The following MAP2 variants were observed in gnomAD, a reference collection of about 807,000 sequenced individuals.
MAP2 encodes microtubule associated protein 2.
Under a neutral mutation model 137.6 loss-of-function variants are expected in MAP2, and 14 were observed. The observed-to-expected ratio is 0.10, with a 90% CI of 0.07 to 0.16. The LOEUF is 0.16. Ranked by LOEUF, MAP2 falls within the 10% of genes least tolerant of loss-of-function variation. The probability of loss-of-function intolerance (pLI) is 1.00; values close to 1 mark genes in which losing one functional copy is unlikely to be tolerated. For synonymous variants in MAP2, 786 were observed against 782.3 expected (o/e 1.00, Z -0.08); for missense variants, 2,088 against 2,191.5 (o/e 0.95, Z 0.94).
intron 11 of MAP2, chr2:209,704,403 ATAG>A (rs1559620185): frequency 6.6e-7 from 1 of 1,522,090 alleles, no homozygotes; most frequent in South Asian, 1.3e-5. Flanking sequence ...CTTTTACTTT[ATAG>A]TTTGGTTTAT....
At chr2:209,680,667 T>C in intron 6 of MAP2, 83 bp from the exon 7 acceptor site, 1 of 1,238,604 alleles carries the variant, frequency 8.1e-7, no homozygotes, top group Non-Finnish European at 1.2e-6. Flanking sequence ...GAGGTCTTTT[T>C]ACAAATGGCA....
chr2:209,611,224 AT>A (rs2086743281), intron 3 of MAP2, among the ~76,000 whole-genome samples: 1 of 152,058 alleles, frequency 6.6e-6, no homozygotes, highest in Admixed American at 6.6e-5. Flanking sequence ...ATACTCAGGG[AT>A]TATATTGAGC....
chr2:209,668,762 C>T (rs1299901363), intron 5 of MAP2, among the ~76,000 whole-genome samples: 1 of 152,038 alleles, frequency 6.6e-6, no homozygotes, highest in Non-Finnish European at 1.5e-5. Flanking sequence ...AGTGAAGGTG[C>T]TCCCCTTCTC....
chr2:209,695,606 A>C lies in MAP2; in HGVS notation c.3436A>C (p.Lys1146Gln). Reference sequence around the variant, plus strand: ...TGAAAGTCTCACCATGGAGTCCTTGAAAGCTGATGAGGGCAAGAAGGAAAC... The same window carrying C: ...TGAAAGTCTCACCATGGAGTCCTTGCAAGCTGATGAGGGCAAGAAGGAAAC... ...EHESLTMESLKADEGKKETSP... is the reference protein window; with the variant it reads ...EHESLTMESLQADEGKKETSP... Residue 1146 changes from lysine (K) to glutamine (Q), a missense_variant, in exon 8 of 16, where the codon AAA becomes CAA. This residue lies in a region of MAP2 where 591 missense variants were observed against 642.6 expected (regional missense o/e 0.92). Coordinates refer to ENST00000682079, the MANE Select transcript of MAP2 (RefSeq NM_001375505.1). 6.2e-7 allele frequency: 1 copy of C among 1,614,002 alleles called. No homozygotes were observed. Among genetic ancestry groups the C allele is most frequent in the Non-Finnish European group, 8.5e-7 (1 of 1,179,932 alleles).
At chr2:209,503,005 T>C (rs59598358) in intron 1 of MAP2, among the ~76,000 whole-genome samples, 3,127 of 100,150 alleles carry the variant, frequency 0.031, 121 homozygotes, top group African/African-American at 0.084. Flanking sequence ...TTTTCTTTTT[T>C]TTTTTTTTTT....
At chr2:209,556,030 T>TA (rs2070507353) in intron 2 of MAP2, among the ~76,000 whole-genome samples, 1 of 149,722 alleles carries the variant, frequency 6.7e-6, no homozygotes, top group Non-Finnish European at 1.5e-5. Context: ...CTTTCTTTTT[T>TA]TTTTTTCTTT....
At position 209,578,929 on chromosome 2, in the gene MAP2, G is replaced by GT. The variant is rs376282854; in HGVS notation, c.-171-1095dup. Reference sequence around the variant, plus strand: ...ATCGGCCCTGGTTTTCTAATTCTCTGTTTTTTTTTTTTCTTTTTCTCTTGT... The same window carrying GT: ...ATCGGCCCTGGTTTTCTAATTCTCTGTTTTTTTTTTTTTCTTTTTCTCTTGT... On this transcript the variant is annotated intron_variant, in intron 2 of 15. Coordinates refer to ENST00000682079, the MANE Select transcript of MAP2 (RefSeq NM_001375505.1). Among the ~76,000 whole-genome samples the GT allele has an allele frequency of 6.8e-3, 952 of 139,796 alleles. 10 individuals are homozygous for GT. Among genetic ancestry groups the GT allele is most frequent in the African/African-American group, 0.017 (629 of 37,594 alleles). 91.7% of individuals were successfully genotyped at this position (139,796 alleles called of 152,430 possible).
intron 1 of MAP2, among the ~76,000 whole-genome samples, chr2:209,483,622 T>C (rs1229494932): frequency 6.6e-6 from 1 of 152,248 alleles, no homozygotes; most frequent in African/African-American, 2.4e-5. Flanking sequence ...TAAAATTCTT[T>C]ATTGTATTTT....
chr2:209,556,209 T>G (rs2153324221), intron 2 of MAP2, among the ~76,000 whole-genome samples: 1 of 152,014 alleles, frequency 6.6e-6, no homozygotes, highest in East Asian at 1.9e-4. Context: ...CCCAGCTAAT[T>G]TTTTAAATAT....
At chr2:209,453,297 A>G (rs1700719972) in intron 1 of MAP2, among the ~76,000 whole-genome samples, 1 of 152,170 alleles carries the variant, frequency 6.6e-6, no homozygotes. Context: ...TTCTTTGTTT[A>G]AGAAATTAAT....
intron 1 of MAP2, among the ~76,000 whole-genome samples, chr2:209,432,340 T>C (rs1694515680): frequency 6.6e-6 from 1 of 152,094 alleles, no homozygotes; most frequent in African/African-American, 2.4e-5. Flanking sequence ...TTGGTTGTTG[T>C]TGTTGTTTTG....
intron 2 of MAP2, among the ~76,000 whole-genome samples, chr2:209,517,928 G>C (rs1015783022): frequency 2.6e-5 from 4 of 151,904 alleles, no homozygotes; most frequent in Non-Finnish European, 5.9e-5. Flanking sequence ...ATTTTTGCCT[G>C]GTCCAGCCTT....
At position 209,653,431 on chromosome 2, in the gene MAP2, A is replaced by T; in HGVS notation, c.261A>T (p.Ala87=). Residue 87 remains alanine (A), a splice_region_variant and synonymous_variant, in exon 5 of 16, where the codon GCA becomes GCT. Coordinates refer to ENST00000682079, the MANE Select transcript of MAP2 (RefSeq NM_001375505.1). ...GELTSADRET[A]EEVSARIVQV... ...TGACCTCAGCTGACAGAGAAACAGC[A>T]GGTAACTAAGGGCTCTACTGTCACC... The T allele has an allele frequency of 6.3e-7, 1 of 1,592,042 alleles. No homozygotes were observed. The highest frequency in any genetic ancestry group is 2.2e-5 in the East Asian group (1 of 44,676).
chr2:209,558,326 T>C lies in MAP2; in HGVS notation c.-171-21710T>C, dbSNP rs561393266. Among the ~76,000 whole-genome samples, 87 of 152,208 alleles carry C rather than the reference T, an allele frequency of 5.7e-4. 1 individual carries two copies. The South Asian group carries it at 0.011, about 20-fold the overall frequency. ...GCCTCAGCCTCCCAAGTAGTTGGGA[T>C]TACAGGCACGCACCACCAAGCCCAG... On this transcript the variant is annotated intron_variant, in intron 2 of 15. Coordinates refer to ENST00000682079, the MANE Select transcript of MAP2 (RefSeq NM_001375505.1).
chr2:209,550,135 C>T (rs1043259766), intron 2 of MAP2, among the ~76,000 whole-genome samples: 3 of 152,126 alleles, frequency 2.0e-5, no homozygotes, highest in Non-Finnish European at 4.4e-5. Context: ...GTCAACCTTG[C>T]ATTTTACATT....
chr2:209,496,622 A>T (rs1477763431), intron 1 of MAP2, among the ~76,000 whole-genome samples: 3 of 152,044 alleles, frequency 2.0e-5, no homozygotes, highest in African/African-American at 7.3e-5. Flanking sequence ...CCTGCCAGAA[A>T]CTCACACTTA....
chr2:209,690,668 T>G (rs1398516717), intron 7 of MAP2: 1 of 1,289,476 alleles, frequency 7.8e-7, no homozygotes, highest in Non-Finnish European at 1.0e-6. Flanking sequence ...TGAGAAAGAG[T>G]GTGGGGCTGC....
intron 1 of MAP2, among the ~76,000 whole-genome samples, chr2:209,502,058 A>G (rs2060448568): frequency 6.6e-6 from 1 of 152,162 alleles, no homozygotes; most frequent in Non-Finnish European, 1.5e-5. Flanking sequence ...GAGTGAAGCA[A>G]ATTAACATGT....
At position 209,731,776 on chromosome 2, in the gene MAP2, C is replaced by A. The variant is rs570509469; in HGVS notation, c.*1379C>A. On this transcript the variant is annotated 3_prime_UTR_variant, in exon 16 of 16. Coordinates refer to ENST00000682079, the MANE Select transcript of MAP2 (RefSeq NM_001375505.1). ...TTACCCAAAGTAAAGATCCCCTGATCAGAAAGAAAAAATACAATACTTTGG... is the reference window on the plus strand; with the variant it reads ...TTACCCAAAGTAAAGATCCCCTGATAAGAAAGAAAAAATACAATACTTTGG... 12 of 152,098 alleles carry A rather than the reference C, an allele frequency of 7.9e-5. No individual in the cohort carries two copies. In the South Asian group the frequency reaches 2.5e-3, roughly 32 times the overall value. 9.4% of individuals were successfully genotyped at this position (152,098 alleles called of 1,614,324 possible).
Sources: allele counts gnomAD v4.1 joint callset (sites outside exome capture counted in the v4.1 genomes callset), GRCh38; gene constraint gnomAD v4.1.1; regional missense constraint gnomAD v4.1.1; transcripts MANE v1.5; gene names NCBI Gene and HGNC (gene_info 2026-07-23, HGNC 2026-07-21).